Variants in PCDHGA3 observed in about 807,000 individuals in gnomAD.
The protein encoded by PCDHGA3 is protocadherin gamma subfamily A, 3.
Under a neutral mutation model 58.5 loss-of-function variants are expected in PCDHGA3, and 40 were observed. The observed-to-expected ratio is 0.68, with a 90% CI of 0.53 to 0.89. The LOEUF is 0.89. Among genes scored for constraint, PCDHGA3 ranks in the 40% least tolerant of loss-of-function variants. PCDHGA3 has a pLI of 0.00. For synonymous variants in PCDHGA3, 530 were observed against 525.7 expected (o/e 1.01, Z -0.11); for missense variants, 1,223 against 1,195.9 (o/e 1.02, Z -0.33).
intron 1 of PCDHGA3, chr5:141,408,907 C>T: frequency 6.2e-7 from 1 of 1,613,244 alleles, no homozygotes; most frequent in East Asian, 2.2e-5. Context: ...TCAAGGATAC[C>T]AATGATAACC....
intron 1 of PCDHGA3, chr5:141,418,643 C>A (rs188546091): frequency 2.9e-5 from 46 of 1,614,022 alleles, no homozygotes; most frequent in Admixed American, 6.7e-5. Context: ...CACCTCCATC[C>A]TGAGAGTGAA....
Position 141,356,579 on chromosome 5 carries a change from A to T in PCDHGA3, c.2424+10122A>T, listed in dbSNP as rs115115119. The T allele has an allele frequency of 9.9e-6, 16 of 1,614,150 alleles. No individual in the cohort carries two copies. The East Asian group carries it at 3.3e-4, about 34-fold the overall frequency. ...TTCCCTCATGCTTCCTACTCTGCTTACATTCCTGAAAACAACCCCAGAGGA... is the reference window on the plus strand; with the variant it reads ...TTCCCTCATGCTTCCTACTCTGCTTTCATTCCTGAAAACAACCCCAGAGGA... On this transcript the variant is annotated intron_variant, in intron 1 of 3. Transcript: ENST00000253812.
intron 1 of PCDHGA3, among the ~76,000 whole-genome samples, chr5:141,400,980 C>T (rs977355527): frequency 6.6e-6 from 1 of 152,102 alleles, no homozygotes; most frequent in African/African-American, 2.4e-5. Context: ...TCTTATGTTC[C>T]TCATATATGC....
At chr5:141,413,550 A>C (rs2095653911) in intron 1 of PCDHGA3, 1 of 1,613,974 alleles carries the variant, frequency 6.2e-7, no homozygotes, top group Non-Finnish European at 8.5e-7. Context: ...GGATAGAAAT[A>C]GAAGTAACTG....
In PCDHGA3 at chr5:141,431,932, C is replaced by A; in HGVS notation, c.2425-62875C>A. 1 of 1,614,172 alleles carries A rather than the reference C, an allele frequency of 6.2e-7. No homozygotes were observed. Among genetic ancestry groups the A allele is most frequent in the Non-Finnish European group, 8.5e-7 (1 of 1,180,002 alleles). The stretch of plus-strand genomic sequence containing the variant: ...TCTGTTTCATCCAAGGAAATCTGCC[C>A]TTTAAATTAGAAAAATCTTACGGAA... On this transcript the variant is annotated intron_variant, in intron 1 of 3. Transcript: ENST00000253812. The surrounding 1 kb of genome is among the most constrained non-coding windows in gnomAD (Gnocchi z 4.8).
intron 1 of PCDHGA3, chr5:141,410,847 G>GTTTTTTT (rs773839667): frequency 8.8e-5 from 14 of 158,320 alleles, no homozygotes; most frequent in African/African-American, 4.2e-4. Flanking sequence ...TTTTGTCTTT[G>GTTTTTTT]TCTTTTTTTT....
intron 1 of PCDHGA3, chr5:141,398,010 G>T (rs10045443): frequency 0.24 from 331,899 of 1,407,782 alleles, 42,930 homozygotes; most frequent in African/African-American, 0.51. Flanking sequence ...AAAAAGAATC[G>T]TTTCCTAAAC....
rs191053275 is a variant in PCDHGA3, at chr5:141,384,800, A to T, written c.2424+38343A>T. 1,106 of 1,613,428 alleles carry T rather than the reference A, an allele frequency of 6.9e-4. 2 individuals are homozygous for T. In the Middle Eastern group the frequency reaches 0.018, roughly 27 times the overall value. ...GTGCGCACGGCTCGGGCCCTGCTGGACAGAGATGCCCTCAAGCAGAGCCTC... is the reference window on the plus strand; with the variant it reads ...GTGCGCACGGCTCGGGCCCTGCTGGTCAGAGATGCCCTCAAGCAGAGCCTC... On this transcript the variant is annotated intron_variant, in intron 1 of 3. Transcript: ENST00000253812.
intron 1 of PCDHGA3, among the ~76,000 whole-genome samples, chr5:141,494,469 C>T (rs2099754623): frequency 6.6e-6 from 1 of 152,114 alleles, no homozygotes; most frequent in Non-Finnish European, 1.5e-5. Flanking sequence ...GCACCTCTTC[C>T]CCCAGTTCCA....
chr5:141,483,530 GC>G (rs1384645281), intron 1 of PCDHGA3, among the ~76,000 whole-genome samples: 2 of 152,158 alleles, frequency 1.3e-5, no homozygotes, highest in African/African-American at 4.8e-5. Flanking sequence ...GACTAAGGAA[GC>G]TGGGTGGTTG....
Position 141,450,006 on chromosome 5 carries a change from C to CTATTTTTT in PCDHGA3, c.2425-44800_2425-44799insATTTTTTT, listed in dbSNP as rs70988802. Among the ~76,000 whole-genome samples the CTATTTTTT allele has an allele frequency of 4.4e-4, 58 of 132,942 alleles. 2 individuals carry two copies. The highest frequency in any genetic ancestry group is 8.4e-4 in the African/African-American group (30 of 35,608). The allele number at this position is 132,942 out of a possible 152,430, so 87.2% of individuals were successfully genotyped here. A position where few individuals can be genotyped will look rare whatever the true frequency, so the allele number is the denominator to read the frequency against. ...CACATTGCATTTAGTTGCCATGTCT[C>CTATTTTTT]TTTTTTTTTTTTTTTTTTGAGACAG... On this transcript the variant is annotated intron_variant, in intron 1 of 3. Coordinates refer to ENST00000253812, the MANE Select transcript of PCDHGA3 (RefSeq NM_018916.4).
At chr5:141,409,034 AACT>A in intron 1 of PCDHGA3, 6 of 1,613,992 alleles carry the variant, frequency 3.7e-6, no homozygotes, top group Non-Finnish European at 4.2e-6. Flanking sequence ...TGCTGAGATA[AACT>A]ACTACTTCCG....
chr5:141,367,537 A>AAAT (rs373624904), intron 1 of PCDHGA3: 1 of 147,434 alleles, frequency 6.8e-6, no homozygotes, highest in Admixed American at 6.8e-5. Context: ...ACTCCGTCTC[A>AAAT]AAATAAATAA....
chr5:141,418,313 A>G (rs750036471), intron 1 of PCDHGA3: 2 of 1,614,038 alleles, frequency 1.2e-6, no homozygotes, highest in Middle Eastern at 1.6e-4. Context: ...GGGGATGGGA[A>G]CAATTCTTGA....
Position 141,476,782 on chromosome 5 carries a change from A to T in PCDHGA3, c.2425-18025A>T. On this transcript the variant is annotated intron_variant, in intron 1 of 3. Coordinates refer to ENST00000253812, the MANE Select transcript of PCDHGA3 (RefSeq NM_018916.4). The surrounding 1 kb of genome is among the most constrained non-coding windows in gnomAD (Gnocchi z 7.6). ...TGACGGCGTTGGACGGAGGGACCCCAGCTCTCTCCGCCAGCCTGCCTATTC... is the reference window on the plus strand; with the variant it reads ...TGACGGCGTTGGACGGAGGGACCCCTGCTCTCTCCGCCAGCCTGCCTATTC... 6.2e-7 allele frequency: 1 copy of T among 1,613,568 alleles called. No individual in the cohort carries two copies. The highest frequency in any genetic ancestry group is 8.5e-7 in the Non-Finnish European group (1 of 1,179,996).
intron 1 of PCDHGA3, chr5:141,371,701 A>C: frequency 6.2e-7 from 1 of 1,614,064 alleles, no homozygotes; most frequent in Non-Finnish European, 8.5e-7. Flanking sequence ...TCCTCCAGCA[A>C]GACCATCACT....
chr5:141,384,848 G>A, intron 1 of PCDHGA3: 1 of 1,613,600 alleles, frequency 6.2e-7, no homozygotes, highest in Non-Finnish European at 8.5e-7. Flanking sequence ...CAGGACCACG[G>A]TCAGCCTCCT....
chr5:141,357,165 G>A (rs368780365), intron 1 of PCDHGA3: 66 of 1,613,556 alleles, frequency 4.1e-5, no homozygotes, highest in East Asian at 3.3e-4. Flanking sequence ...CCCCTCTCTC[G>A]GCCACCGTCA....
At chr5:141,474,452 G>A (rs1341193950) in intron 1 of PCDHGA3, among the ~76,000 whole-genome samples, 1 of 152,158 alleles carries the variant, frequency 6.6e-6, no homozygotes, top group Non-Finnish European at 1.5e-5. Flanking sequence ...CAAGTGATTG[G>A]GCTATACTCT....
Sources: gnomAD v4.1 joint callset for allele counts (sites outside exome capture counted in the v4.1 genomes callset) on GRCh38, gnomAD v4.1.1 for gene constraint, Gnocchi (gnomAD v3.1) non-coding constraint, MANE v1.5 for transcripts, NCBI Gene and HGNC (gene_info 2026-07-23, HGNC 2026-07-21) for gene names.